Variants in DZIP1L observed in about 807,000 individuals in gnomAD.
DZIP1L encodes cilium assembly protein DZIP1L.
A neutral mutation model predicts 88.7 loss-of-function variants in DZIP1L; 90 were observed. The ratio of observed to expected loss-of-function variants is 1.02; its 90% CI spans 0.86 to 1.21. The LOEUF is 1.21. Among genes scored for constraint, DZIP1L ranks in the 50% most tolerant of loss-of-function variants. The pLI, the probability that DZIP1L is intolerant of heterozygous loss-of-function variation, is 0.00. For missense variants in DZIP1L, 932 were observed against 955.8 expected (o/e 0.98, Z 0.33); for synonymous variants, 363 against 372.1 (o/e 0.98, Z 0.28).
chr3:138,096,311 C>A (rs2107821727), intron 3 of DZIP1L, among the ~76,000 whole-genome samples: 1 of 152,232 alleles, frequency 6.6e-6, no homozygotes, highest in African/African-American at 2.4e-5. Flanking sequence ...CAAAGATCTA[C>A]ATGCAAGAAT....
chr3:138,100,806 A>G (rs1208806496), intron 2 of DZIP1L, among the ~76,000 whole-genome samples: 2 of 152,268 alleles, frequency 1.3e-5, no homozygotes, highest in Non-Finnish European at 2.9e-5. Flanking sequence ...AGAGCCTGGC[A>G]CAGGGCCTAG....
chr3:138,105,369 TA>T (rs2042452175), intron 1 of DZIP1L, among the ~76,000 whole-genome samples: 1 of 151,684 alleles, frequency 6.6e-6, no homozygotes, highest in Admixed American at 6.6e-5. Flanking sequence ...TATATAAATA[TA>T]TATATATATA....
At chr3:138,080,685 G>C in intron 9 of DZIP1L, 65 bp from the exon 10 acceptor site, 2 of 1,558,478 alleles carry the variant, frequency 1.3e-6, no homozygotes, top group Non-Finnish European at 1.8e-6. Flanking sequence ...TAGAAGAAAA[G>C]TACAGAACCC....
chr3:138,107,461 T>G (rs2107865210), intron 1 of DZIP1L, among the ~76,000 whole-genome samples: 1 of 152,324 alleles, frequency 6.6e-6, no homozygotes, highest in Non-Finnish European at 1.5e-5. Context: ...GATATTGGAC[T>G]TAAGCTTCCA....
chr3:138,101,550 A>G (rs1258222064), intron 2 of DZIP1L: 6 of 794,462 alleles, frequency 7.6e-6, no homozygotes, highest in South Asian at 2.7e-5. Flanking sequence ...TCACAACCAC[A>G]GTGGCCCTGG....
intron 1 of DZIP1L, among the ~76,000 whole-genome samples, chr3:138,110,594 T>C (rs567416916): frequency 1.3e-5 from 2 of 152,294 alleles, no homozygotes; most frequent in Non-Finnish European, 2.9e-5. Flanking sequence ...TGTTAGGGTG[T>C]CTCTGCAACA....
At position 138,067,604 on chromosome 3, in the gene DZIP1L, C is replaced by A. The variant is rs1170944039; in HGVS notation, c.1929G>T (p.Arg643=). ...PPKVPSRMVP[R]PKDDWDWSDT... ...CAGACCAGTCCCAGTCATCCTTGGG[C>A]CGGGGCACCATCCTGGAAGGAACTT... Residue 643 remains arginine (R), a synonymous_variant, in exon 14 of 16, where the codon CGG becomes CGT. Coordinates refer to ENST00000327532, the MANE Select transcript of DZIP1L (RefSeq NM_173543.3). 4 of 1,611,848 alleles carry A rather than the reference C, an allele frequency of 2.5e-6. No individual in the cohort carries two copies. In the Admixed American group the frequency reaches 5.0e-5, roughly 20 times the overall value.
intron 4 of DZIP1L, 42 bp downstream of exon 4, chr3:138,094,820 T>A: frequency 6.2e-7 from 1 of 1,612,932 alleles, no homozygotes; most frequent in East Asian, 2.2e-5. Context: ...TCCTGGGTAG[T>A]CCATGACCCA....
At chr3:138,065,981 T>C (rs1448988306) in intron 14 of DZIP1L, among the ~76,000 whole-genome samples, 2 of 152,224 alleles carry the variant, frequency 1.3e-5, no homozygotes, top group Non-Finnish European at 2.9e-5. Context: ...CCACTTACCA[T>C]GACAGTTAGC....
At chr3:138,080,906 T>C (rs1466830141) in intron 9 of DZIP1L, among the ~76,000 whole-genome samples, 1 of 152,134 alleles carries the variant, frequency 6.6e-6, no homozygotes, top group Non-Finnish European at 1.5e-5. Context: ...TAGTGAGCCA[T>C]GTAATGAGAT....
chr3:138,072,147 T>C (rs1943211042), intron 11 of DZIP1L, among the ~76,000 whole-genome samples: 1 of 152,258 alleles, frequency 6.6e-6, no homozygotes, highest in Non-Finnish European at 1.5e-5. Context: ...TTCTACCATC[T>C]GACTGAATCC....
At chr3:138,105,148 C>A (rs1270891515) in intron 1 of DZIP1L, among the ~76,000 whole-genome samples, 4 of 151,894 alleles carry the variant, frequency 2.6e-5, no homozygotes, top group Admixed American at 6.6e-5. Context: ...GGCATATATA[C>A]CTCTATTTCT....
chr3:138,080,945 G>A (rs936329056), intron 9 of DZIP1L, among the ~76,000 whole-genome samples: 12 of 152,146 alleles, frequency 7.9e-5, no homozygotes, highest in Non-Finnish European at 1.3e-4. Flanking sequence ...GGGGAAGGGT[G>A]TGGCACATGT....
chr3:138,084,637 C>T (rs1376162771), intron 7 of DZIP1L, among the ~76,000 whole-genome samples: 5 of 152,116 alleles, frequency 3.3e-5, no homozygotes, highest in Non-Finnish European at 7.4e-5. Flanking sequence ...TTAATATTTG[C>T]ATAAAGAAAC....
chr3:138,068,613 T>C (rs968770243), intron 12 of DZIP1L, among the ~76,000 whole-genome samples: 1 of 152,124 alleles, frequency 6.6e-6, no homozygotes, highest in Non-Finnish European at 1.5e-5. Flanking sequence ...CAGGGTCGTG[T>C]TGTCATTACT....
chr3:138,081,678 G>C, intron 9 of DZIP1L, 56 bp downstream of exon 9: 1 of 1,557,272 alleles, frequency 6.4e-7, no homozygotes, highest in African/African-American at 1.4e-5. Flanking sequence ...AAAGGAGGGA[G>C]AAAAGCCAGA....
At chr3:138,069,820 T>C (rs978394048) in intron 12 of DZIP1L, among the ~76,000 whole-genome samples, 3 of 151,510 alleles carry the variant, frequency 2.0e-5, no homozygotes, top group African/African-American at 7.3e-5. Context: ...CAAGCAGAAA[T>C]GGGAGGTGAG....
rs1943471628 is a variant in DZIP1L, at chr3:138,077,614, T to C, written c.1307A>G (p.Asp436Gly). 6.2e-7 allele frequency: 1 copy of C among 1,614,148 alleles called. No homozygotes were observed. The highest frequency in any genetic ancestry group is 1.3e-5 in the African/African-American group (1 of 75,026). Residue 436 changes from aspartate (D) to glycine (G), a missense_variant, in exon 11 of 16, where the codon GAT becomes GGT. By Grantham distance (94) the Asp-to-Gly change is moderately conservative. Transcript: ENST00000327532. ...AGCTGCCAGCACCTTGTGCTGTTCATCCTGGGAGTCCTCCATCTCTGTAGC... is the reference window on the plus strand; with the variant it reads ...AGCTGCCAGCACCTTGTGCTGTTCACCCTGGGAGTCCTCCATCTCTGTAGC... ...SPEEEMEDSQ[D>G]EQHKVLAALR...
intron 2 of DZIP1L, among the ~76,000 whole-genome samples, chr3:138,098,634 C>A (rs547309828): frequency 6.6e-6 from 1 of 152,156 alleles, no homozygotes; most frequent in Non-Finnish European, 1.5e-5. Flanking sequence ...CCCCCAATAC[C>A]CATTTTCCCT....
Sources: gnomAD v4.1 joint callset for allele counts (sites outside exome capture counted in the v4.1 genomes callset) on GRCh38, gnomAD v4.1.1 for gene constraint, MANE v1.5 for transcripts, NCBI Gene and HGNC (gene_info 2026-07-23, HGNC 2026-07-21) for gene names.